TRPM3: variants seen among roughly 807,000 people sequenced by gnomAD.
TRPM3 encodes long transient receptor potential channel 3.
In TRPM3, 77 loss-of-function variants were observed where a neutral mutation model predicts 181.2. That is an observed-to-expected ratio of 0.42 (90% confidence interval 0.35 to 0.51). The LOEUF is 0.51. Among genes scored for constraint, TRPM3 ranks in the 20% least tolerant of loss-of-function variants. The probability of loss-of-function intolerance (pLI) is 0.01; values close to 1 mark genes in which losing one functional copy is unlikely to be tolerated. For synonymous variants in TRPM3, 745 were observed against 796.4 expected (o/e 0.94, Z 1.09); for missense variants, 1,759 against 2,196.7 (o/e 0.80, Z 3.98).
chr9:70,897,518 A>G, intron 1 of TRPM3, among the ~76,000 whole-genome samples: 1 of 152,060 alleles, frequency 6.6e-6, no homozygotes, highest in East Asian at 1.9e-4. Flanking sequence ...TCAATTTCCC[A>G]ACAATTCTGT....
At chr9:71,292,583 T>C (rs1286935082) in intron 1 of TRPM3, among the ~76,000 whole-genome samples, 1 of 151,948 alleles carries the variant, frequency 6.6e-6, no homozygotes, top group Non-Finnish European at 1.5e-5. Context: ...TATCAGTCTG[T>C]TAAGAAGAGA....
chr9:70,806,359 G>A (rs1005782229), intron 6 of TRPM3, among the ~76,000 whole-genome samples: 2 of 152,092 alleles, frequency 1.3e-5, no homozygotes, highest in Non-Finnish European at 2.9e-5. Context: ...TTTGCCTCAG[G>A]GGCTCATGAT....
At chr9:71,064,965 C>T (rs545783580) in intron 1 of TRPM3, among the ~76,000 whole-genome samples, 1 of 152,044 alleles carries the variant, frequency 6.6e-6, no homozygotes, top group Non-Finnish European at 1.5e-5. Flanking sequence ...TATATAGGCA[C>T]ATTAGGAGGA....
intron 9 of TRPM3, among the ~76,000 whole-genome samples, chr9:70,672,361 A>G (rs2063133231): frequency 6.6e-6 from 1 of 152,144 alleles, no homozygotes; most frequent in Admixed American, 6.5e-5. Context: ...TGAGTCTGGT[A>G]CTGCTCATGA....
At chr9:71,361,085 C>G (rs1034656095) in intron 1 of TRPM3, among the ~76,000 whole-genome samples, 1 of 152,146 alleles carries the variant, frequency 6.6e-6, no homozygotes, top group East Asian at 1.9e-4. Flanking sequence ...CTCCTGGGTT[C>G]AAGTGATTTT....
intron 1 of TRPM3, among the ~76,000 whole-genome samples, chr9:70,969,540 G>A (rs964700224): frequency 1.3e-5 from 2 of 151,464 alleles, no homozygotes; most frequent in African/African-American, 4.9e-5. Flanking sequence ...AATAAACAAT[G>A]TTAATGAATA....
At chr9:71,393,689 A>T (rs1280706702) in intron 1 of TRPM3, among the ~76,000 whole-genome samples, 1 of 152,172 alleles carries the variant, frequency 6.6e-6, no homozygotes, top group East Asian at 1.9e-4. Context: ...AACCGCACAC[A>T]GCCAATTTCA....
At chr9:71,218,319 C>T (rs1048685486) in intron 1 of TRPM3, among the ~76,000 whole-genome samples, 1 of 152,118 alleles carries the variant, frequency 6.6e-6, no homozygotes, top group African/African-American at 2.4e-5. Context: ...GTCCAGCGCT[C>T]TCTATATATT....
intron 1 of TRPM3, among the ~76,000 whole-genome samples, chr9:71,257,050 A>C (rs1357952353): frequency 6.6e-6 from 1 of 152,234 alleles, no homozygotes; most frequent in Non-Finnish European, 1.5e-5. Context: ...CATCTTTAAC[A>C]TGTGCAGAAT....
intron 1 of TRPM3, among the ~76,000 whole-genome samples, chr9:71,108,254 T>A (rs2070194390): frequency 6.6e-6 from 1 of 152,214 alleles, no homozygotes; most frequent in Non-Finnish European, 1.5e-5. Context: ...TGTTTATCAT[T>A]ACTTGCAGAG....
intron 1 of TRPM3, among the ~76,000 whole-genome samples, chr9:70,868,559 GC>G (rs1381892043): frequency 2.6e-5 from 4 of 151,956 alleles, no homozygotes; most frequent in Non-Finnish European, 4.4e-5. Context: ...CTCCCCACCA[GC>G]TATCGAATCA....
At chr9:71,382,504 T>G (rs147410807) in intron 1 of TRPM3, among the ~76,000 whole-genome samples, 136 of 152,230 alleles carry the variant, frequency 8.9e-4, no homozygotes, top group African/African-American at 3.2e-3. Context: ...ATATAAATAA[T>G]CAGTGAAAAA....
upstream of TRPM3, among the ~76,000 whole-genome samples, chr9:71,125,838 A>C (rs1353559957): frequency 6.6e-6 from 1 of 152,242 alleles, no homozygotes; most frequent in Non-Finnish European, 1.5e-5. Flanking sequence ...AACATGTCAA[A>C]AGCAATTGCA....
Position 71,181,181 on chromosome 9 carries a change from C to A in TRPM3, c.183+265472G>T, listed in dbSNP as rs2077379436. On this transcript the variant is annotated intron_variant, in intron 1 of 24. Transcript: ENST00000357533. ...TCCTGAGAACAAAGGGATTATCACA[C>A]TCACTCGCCATTTGAACTGTCTGTC... Among the ~76,000 whole-genome samples the A allele has an allele frequency of 2.0e-5, 3 of 150,078 alleles. No homozygotes were observed. The South Asian group carries it at 6.2e-4, about 31-fold the overall frequency.
intron 6 of TRPM3, among the ~76,000 whole-genome samples, chr9:70,800,231 G>C (rs1244417970): frequency 6.6e-6 from 1 of 152,210 alleles, no homozygotes; most frequent in Non-Finnish European, 1.5e-5. Flanking sequence ...AAACAAAGTT[G>C]CTTGTGAATT....
intron 6 of TRPM3, among the ~76,000 whole-genome samples, chr9:70,817,371 G>T (rs923091827): frequency 1.3e-5 from 2 of 152,164 alleles, no homozygotes; most frequent in Non-Finnish European, 2.9e-5. Flanking sequence ...CATGCAAACA[G>T]GAATGCCAGA....
chr9:70,800,983 A>G (rs1453255156), intron 6 of TRPM3, among the ~76,000 whole-genome samples: 1 of 152,220 alleles, frequency 6.6e-6, no homozygotes, highest in African/African-American at 2.4e-5. Flanking sequence ...GGTTTCAAGC[A>G]AAGTCCTGTT....
At chr9:71,134,575 A>C (rs2074646809) in intron 1 of TRPM3, among the ~76,000 whole-genome samples, 1 of 151,898 alleles carries the variant, frequency 6.6e-6, no homozygotes, top group South Asian at 2.1e-4. Context: ...AAGGAAAAAA[A>C]ATTTCTTTCT....
intron 1 of TRPM3, among the ~76,000 whole-genome samples, chr9:71,232,762 T>C (rs1347502137): frequency 6.6e-6 from 1 of 152,076 alleles, no homozygotes; most frequent in African/African-American, 2.4e-5. Flanking sequence ...CCTCCCAAAG[T>C]GCTAGGATTA....
Sources: allele counts gnomAD v4.1 joint callset (sites outside exome capture counted in the v4.1 genomes callset), GRCh38; gene constraint gnomAD v4.1.1; transcripts MANE v1.5; gene names NCBI Gene and HGNC (gene_info 2026-07-23, HGNC 2026-07-21).